ACOX1: variants seen among roughly 807,000 people sequenced by gnomAD.
The protein encoded by ACOX1 is peroxisomal acyl-coenzyme A oxidase 1.
A neutral mutation model predicts 75.5 loss-of-function variants in ACOX1; 41 were observed. That is an observed-to-expected ratio of 0.54 (90% CI 0.42 to 0.70). ACOX1 has a LOEUF of 0.70. Among genes scored for constraint, ACOX1 ranks in the 30% least tolerant of loss-of-function variants. ACOX1 has a pLI of 0.00. For synonymous variants in ACOX1, 303 were observed against 298.8 expected, an observed-to-expected ratio of 1.01 and a Z score of -0.15; for missense variants, 630 against 837.5, an observed-to-expected ratio of 0.75 and a Z score of 3.06.
At chr17:75,962,196 TA>T (rs1370822966) in intron 2 of ACOX1, among the ~76,000 whole-genome samples, 4 of 152,226 alleles carry the variant, frequency 2.6e-5, no homozygotes, top group African/African-American at 9.6e-5. Flanking sequence ...TTTCAGAAAT[TA>T]AAAAAGACAT....
chr17:75,950,895 G>C lies in ACOX1; in HGVS notation c.1177C>G (p.Arg393Gly). 1 of 1,614,138 alleles carries C rather than the reference G, an allele frequency of 6.2e-7. No homozygotes were observed. Among genetic ancestry groups the C allele is most frequent in the Admixed American group, 1.7e-5 (1 of 60,006 alleles). The part of the protein sequence containing the change: ...WTANTGIEAC[R>G]MACGGHGYSH... ...TAGCCATGCCCACCACAAGCCATCC[G>C]ACATGCTTCAATGCCAGTGTTTGCA... Residue 393 changes from arginine to glycine, a missense_variant, in exon 9 of 14, where the codon CGG becomes GGG. By Grantham distance (125) the Arg-to-Gly change is moderately radical. Coordinates refer to ENST00000293217, the MANE Select transcript of ACOX1 (RefSeq NM_004035.7). This position sits in a 1 kb window ranked among gnomAD's most constrained non-coding sequence, Gnocchi z 4.3.
chr17:75,957,095 G>A (rs2065840789), intron 4 of ACOX1, among the ~76,000 whole-genome samples: 1 of 147,296 alleles, frequency 6.8e-6, no homozygotes, highest in Non-Finnish European at 1.5e-5. Flanking sequence ...TGTTTGTTGG[G>A]TTGTTTTTGA....
rs563488447 is a variant in ACOX1, at chr17:75,960,122, C to G, written c.430+93G>C. The stretch of plus-strand genomic sequence containing the variant: ...CTCATTTAAACAGACCATAGAACAT[C>G]GACACACCATCGATGGCACATGGTG... On this transcript the variant is annotated intron_variant, in intron 3 of 13. Coordinates refer to ENST00000293217, the MANE Select transcript of ACOX1 (RefSeq NM_004035.7). This position sits in a 1 kb window ranked among gnomAD's most constrained non-coding sequence, Gnocchi z 4.4. The G allele has an allele frequency of 2.0e-6, 3 of 1,508,840 alleles. No individual in the cohort carries two copies. The highest frequency in any genetic ancestry group is 3.5e-5 in the Admixed American group (2 of 57,540). 93.5% of individuals were successfully genotyped at this position (1,508,840 alleles called of 1,614,324 possible).
At chr17:75,971,305 A>T (rs556933226) in intron 2 of ACOX1, among the ~76,000 whole-genome samples, 3 of 152,196 alleles carry the variant, frequency 2.0e-5, no homozygotes, top group African/African-American at 7.2e-5. Context: ...AAAAAAAAAA[A>T]AAATACCCAA....
intron 2 of ACOX1, among the ~76,000 whole-genome samples, chr17:75,965,556 G>C (rs2065924142): frequency 6.7e-6 from 1 of 148,416 alleles, no homozygotes; most frequent in Non-Finnish European, 1.5e-5. Flanking sequence ...TCTAGAATAA[G>C]CAAGCTTAAA....
chr17:75,954,972 A>C (rs917118961), intron 6 of ACOX1, among the ~76,000 whole-genome samples: 2 of 151,906 alleles, frequency 1.3e-5, no homozygotes, highest in African/African-American at 4.8e-5. Context: ...GGTTCAAGCT[A>C]TTCTCCTGCC....
chr17:75,974,331 A>G (rs538031957), intron 2 of ACOX1, among the ~76,000 whole-genome samples: 8 of 152,342 alleles, frequency 5.3e-5, no homozygotes, highest in African/African-American at 1.9e-4. Context: ...GCAGAATCAT[A>G]CATCGCTAAA....
chr17:75,963,186 T>G (rs944660909), intron 2 of ACOX1, among the ~76,000 whole-genome samples: 5 of 152,080 alleles, frequency 3.3e-5, no homozygotes, highest in African/African-American at 1.2e-4. Flanking sequence ...TGTGGAAGGA[T>G]GGGAGGGGTA....
At position 75,942,092 on chromosome 17, in the gene ACOX1, A is replaced by G. The variant is rs2065675526; in HGVS notation, c.*4656T>C. On this transcript the variant is annotated 3_prime_UTR_variant, in exon 14 of 14. Coordinates refer to ENST00000293217, the MANE Select transcript of ACOX1 (RefSeq NM_004035.7). ...CTTATATGTTTCTGTGTTTACTATC[A>G]TGAACCATAGGAAGAAGTACTGGAA... 1.3e-5 allele frequency: 2 copies of G among 152,326 alleles called. No individual in the cohort carries two copies. The highest frequency in any genetic ancestry group is 1.9e-4 in the East Asian group (1 of 5,188). The allele number at this position is 152,326 out of a possible 1,614,324, so 9.4% of individuals were successfully genotyped here.
intron 11 of ACOX1, 53 bp from the exon 12 acceptor site, chr17:75,949,413 T>C (rs2144236011): frequency 6.2e-7 from 1 of 1,612,860 alleles, no homozygotes; most frequent in South Asian, 1.1e-5. Context: ...AAAGATTCAA[T>C]ATACAGTGAC....
Position 75,942,568 on chromosome 17 carries a change from C to T in ACOX1, c.*4180G>A, listed in dbSNP as rs1457049153. On this transcript the variant is annotated 3_prime_UTR_variant, in exon 14 of 14. Coordinates refer to ENST00000293217, the MANE Select transcript of ACOX1 (RefSeq NM_004035.7). ...AGAAACAGCAGAAATGACTTCCCTGCATTATTTCATGAAAATGATCAAAAC... is the reference window on the plus strand; with the variant it reads ...AGAAACAGCAGAAATGACTTCCCTGTATTATTTCATGAAAATGATCAAAAC... 1 of 152,026 alleles carries T rather than the reference C, an allele frequency of 6.6e-6. No individual in the cohort carries two copies. Among genetic ancestry groups the T allele is most frequent in the Admixed American group, 6.6e-5 (1 of 15,236 alleles). 9.4% of individuals were successfully genotyped at this position (152,026 alleles called of 1,614,324 possible). A position where few individuals can be genotyped will look rare whatever the true frequency, so the allele number is the denominator to read the frequency against.
In ACOX1 at chr17:75,949,350, T is replaced by A. The variant is rs377333115; in HGVS notation, c.1595A>T (p.His532Leu). 8 of 1,614,046 alleles carry A rather than the reference T, an allele frequency of 5.0e-6. No individual in the cohort carries two copies. The highest frequency in any genetic ancestry group is 6.8e-6 in the Non-Finnish European group (8 of 1,180,048). Reference sequence around the variant, plus strand: ...TGAAAAGAGCTTAACTACCACATAGTGGCAATGTGCCTAAGATTAAAAAGA... The same window carrying A: ...TGAAAAGAGCTTAACTACCACATAGAGGCAATGTGCCTAAGATTAAAAAGA... ...DLVRASEAHCHYVVVKLFSEK... is the reference protein window; with the variant it reads ...DLVRASEAHCLYVVVKLFSEK... The change falls in exon 12 of 14, where the codon CAC (histidine) becomes CTC (leucine). Residue 532 changes from histidine (H) to leucine (L), a missense_variant. By Grantham distance (99) the His-to-Leu change is moderately conservative. Coordinates refer to ENST00000293217, the MANE Select transcript of ACOX1 (RefSeq NM_004035.7).
intron 2 of ACOX1, among the ~76,000 whole-genome samples, chr17:75,976,007 T>C (rs1189043388): frequency 6.6e-6 from 1 of 152,150 alleles, no homozygotes; most frequent in African/African-American, 2.4e-5. Flanking sequence ...TAATAGCATG[T>C]CACGGTTAAC....
At chr17:75,961,246 T>C (rs2065884618) in intron 2 of ACOX1, among the ~76,000 whole-genome samples, 1 of 129,472 alleles carries the variant, frequency 7.7e-6, no homozygotes, top group Non-Finnish European at 1.6e-5. Flanking sequence ...TGAGCTAAGA[T>C]AACACCACTG....
chr17:75,958,807 CA>C (rs60077017), intron 3 of ACOX1, among the ~76,000 whole-genome samples: 2,890 of 86,354 alleles, frequency 0.033, 70 homozygotes, highest in African/African-American at 0.083. Flanking sequence ...GACTCCGTCT[CA>C]AAAAAAAAAA....
chr17:75,955,166 GCCT>G (rs1422871241), intron 6 of ACOX1, among the ~76,000 whole-genome samples: 1 of 148,496 alleles, frequency 6.7e-6, no homozygotes, highest in African/African-American at 2.6e-5. Context: ...ACTGCGCCCA[GCCT>G]CCTTTTTTTT....
intron 3 of ACOX1, among the ~76,000 whole-genome samples, chr17:75,958,916 C>T (rs117941147): frequency 0.016 from 2,413 of 152,096 alleles, 37 homozygotes; most frequent in Non-Finnish European, 0.025. Context: ...TCAGTTGACC[C>T]TAGAGATTTC....
intron 7 of ACOX1, among the ~76,000 whole-genome samples, chr17:75,951,916 G>C (rs2065778556): frequency 6.9e-6 from 1 of 145,126 alleles, no homozygotes; most frequent in Non-Finnish European, 1.5e-5. Flanking sequence ...CCAAGTTCAA[G>C]CGATTCTCTT....
chr17:75,954,892 G>A (rs568540993), intron 6 of ACOX1, among the ~76,000 whole-genome samples: 10 of 150,468 alleles, frequency 6.6e-5, no homozygotes, highest in Non-Finnish European at 1.3e-4. Context: ...TTTATGAGAC[G>A]GAGTCTCACT....
Sources: gnomAD v4.1 joint callset for allele counts (sites outside exome capture counted in the v4.1 genomes callset) on GRCh38, gnomAD v4.1.1 for gene constraint, Gnocchi (gnomAD v3.1) non-coding constraint, MANE v1.5 for transcripts, NCBI Gene and HGNC (gene_info 2026-07-23, HGNC 2026-07-21) for gene names.